Variants in RORA observed in about 807,000 individuals in gnomAD.
The protein encoded by RORA is nuclear receptor ROR-alpha.
In RORA, 7 loss-of-function variants were observed where a neutral mutation model predicts 69.5. That is an observed-to-expected ratio of 0.10 (90% confidence interval 0.06 to 0.19). The LOEUF is 0.19. Among genes scored for constraint, RORA ranks in the 10% least tolerant of loss-of-function variants. The pLI is 1.00. For synonymous variants in RORA, 261 were observed against 240.8 expected (o/e 1.08, Z -0.78); for missense variants, 457 against 663.0 (o/e 0.69, Z 3.41).
chr15:60,639,807 G>A (rs554981907), intron 2 of RORA, among the ~76,000 whole-genome samples: 12 of 152,330 alleles, frequency 7.9e-5, no homozygotes, highest in African/African-American at 2.4e-4. Flanking sequence ...AGTAATGAGA[G>A]AAAGGCGTCC....
intron 2 of RORA, chr15:60,592,733 AC>A: frequency 9.2e-7 from 1 of 1,090,786 alleles, no homozygotes; most frequent in Non-Finnish European, 1.1e-6. Context: ...CTGCTGGCCC[AC>A]CCCGGCCGGG....
intron 1 of RORA, among the ~76,000 whole-genome samples, chr15:61,055,803 G>A (rs2140519956): frequency 6.6e-6 from 1 of 152,334 alleles, no homozygotes; most frequent in East Asian, 1.9e-4. Context: ...TAGGATTTGA[G>A]ACACGTTTTC....
chr15:60,507,747 A>T (rs776235241), intron 5 of RORA, among the ~76,000 whole-genome samples: 1 of 152,168 alleles, frequency 6.6e-6, no homozygotes, highest in Non-Finnish European at 1.5e-5. Flanking sequence ...TTTTGCCGAT[A>T]AAAAAATGAT....
chr15:61,222,338 T>A (rs2080105635), intron 1 of RORA, among the ~76,000 whole-genome samples: 1 of 152,222 alleles, frequency 6.6e-6, no homozygotes, highest in Non-Finnish European at 1.5e-5. Flanking sequence ...AATAATGACG[T>A]GTCAGTTAAG....
rs145653192 is a variant in RORA at position 60,846,196 on chromosome 15, A to G, written c.167-167510T>C. Among the ~76,000 whole-genome samples, 30 of 152,382 alleles carry G rather than the reference A, an allele frequency of 2.0e-4. 1 individual carries two copies. The East Asian group carries it at 5.8e-3, about 29-fold the overall frequency. On this transcript the variant is annotated intron_variant, in intron 1 of 10. Transcript: ENST00000335670. ...GCTATACAATGATTAAACCAAAGAT[A>G]GCAGCAATCGTAAGTGGCTGTCAGG... is the stretch of plus-strand genomic sequence containing the variant.
intron 1 of RORA, among the ~76,000 whole-genome samples, chr15:60,756,292 T>C (rs1197623527): frequency 6.6e-6 from 1 of 152,258 alleles, no homozygotes; most frequent in Non-Finnish European, 1.5e-5. Context: ...TTACCAGTTA[T>C]TGTGGCAACT....
intron 1 of RORA, among the ~76,000 whole-genome samples, chr15:60,683,882 G>A (rs1044967075): frequency 1.3e-5 from 2 of 152,154 alleles, no homozygotes; most frequent in Admixed American, 6.5e-5. Context: ...GTAAAGCAAA[G>A]GAAATGTCAT....
intron 1 of RORA, among the ~76,000 whole-genome samples, chr15:60,983,422 G>C (rs890981358): frequency 9.2e-5 from 14 of 152,154 alleles, no homozygotes; most frequent in African/African-American, 3.4e-4. Context: ...GCTGTCTCTG[G>C]TGGGGAAAAT....
rs986236248 is a variant in RORA, at chr15:60,854,460, T to A, written c.167-175774A>T. Among the ~76,000 whole-genome samples, 30 of 152,122 alleles carry A rather than the reference T, an allele frequency of 2.0e-4. 1 individual carries two copies. The highest frequency in any genetic ancestry group is 4.4e-5 in the Non-Finnish European group (3 of 68,024). The stretch of plus-strand genomic sequence containing the variant: ...ATTTAGGCCATCCAGGGAGAAAAAT[T>A]TTTGCTGTTGATGATAAACAGAATC... On this transcript the variant is annotated intron_variant, in intron 1 of 10. Transcript: ENST00000335670.
At chr15:60,508,506 T>G (rs1233897035) in intron 5 of RORA, among the ~76,000 whole-genome samples, 2 of 152,202 alleles carry the variant, frequency 1.3e-5, no homozygotes, top group East Asian at 3.8e-4. Flanking sequence ...CTATCCTGAA[T>G]ATGTATGTTT....
chr15:60,533,797 G>C (rs1288040363), intron 2 of RORA, among the ~76,000 whole-genome samples: 1 of 152,180 alleles, frequency 6.6e-6, no homozygotes, highest in African/African-American at 2.4e-5. Context: ...CTGTTAAACA[G>C]AATTTATACA....
intron 1 of RORA, among the ~76,000 whole-genome samples, chr15:60,892,906 C>T (rs1457858282): frequency 6.6e-6 from 1 of 152,160 alleles, no homozygotes. Flanking sequence ...AACATTGTAT[C>T]GGATTCTATA....
chr15:60,704,650 A>G (rs1248950955), intron 1 of RORA, among the ~76,000 whole-genome samples: 1 of 152,260 alleles, frequency 6.6e-6, no homozygotes, highest in Non-Finnish European at 1.5e-5. Context: ...CAGGAATGCC[A>G]TAGAAAGAAC....
intron 1 of RORA, among the ~76,000 whole-genome samples, chr15:61,155,918 C>A (rs147818812): frequency 6.6e-6 from 1 of 152,134 alleles, no homozygotes; most frequent in Non-Finnish European, 1.5e-5. Flanking sequence ...AATGCACACA[C>A]GGGCACTCTG....
chr15:61,193,769 G>A (rs542911320), intron 1 of RORA, among the ~76,000 whole-genome samples: 1 of 152,236 alleles, frequency 6.6e-6, no homozygotes, highest in East Asian at 1.9e-4. Flanking sequence ...ACCCAGAGAG[G>A]CTCAATCATT....
Position 60,909,923 on chromosome 15 carries a change from TTA to T in RORA, c.167-231239_167-231238del, listed in dbSNP as rs536038542. 3.2e-4 allele frequency among the ~76,000 whole-genome samples: 48 copies of T among 152,332 alleles called. 1 individual carries two copies. The South Asian group carries it at 4.4e-3, about 14-fold the overall frequency. On this transcript the variant is annotated intron_variant, in intron 1 of 10. Coordinates refer to ENST00000335670, the MANE Select transcript of RORA (RefSeq NM_134261.3). ...TTGCCTCTTAAAAGCAGCTAACCCT[TTA>T]CCACGGAGGTGATGCAGAAATCTAC...
At chr15:60,806,137 A>G (rs2072656828) in intron 1 of RORA, among the ~76,000 whole-genome samples, 2 of 152,324 alleles carry the variant, frequency 1.3e-5, no homozygotes, top group South Asian at 4.1e-4. Flanking sequence ...TAGAAAAGTC[A>G]GATCTGTCAG....
At position 61,131,056 on chromosome 15, in the gene RORA, C is replaced by T. The variant is rs2079186292; in HGVS notation, c.166+97997G>A. Among the ~76,000 whole-genome samples the T allele has an allele frequency of 6.6e-6, 1 of 152,134 alleles. No individual in the cohort carries two copies. Among genetic ancestry groups the T allele is most frequent in the Non-Finnish European group, 1.5e-5 (1 of 68,034 alleles). On this transcript the variant is annotated intron_variant, in intron 1 of 10. Transcript: ENST00000335670. The surrounding 1 kb of genome is among the most constrained non-coding windows in gnomAD (Gnocchi z 4.2). ...GTACACGTGTACAGTTCAGACGATG[C>T]ACCTACTACTCAGCCCTCTGTAATA...
At chr15:60,937,854 G>A (rs968536685) in intron 1 of RORA, among the ~76,000 whole-genome samples, 22 of 152,176 alleles carry the variant, frequency 1.4e-4, no homozygotes, top group Non-Finnish European at 1.2e-4. Context: ...CTCGCAGTTA[G>A]GACCAATGAA....
Sources: allele counts gnomAD v4.1 joint callset (sites outside exome capture counted in the v4.1 genomes callset), GRCh38; gene constraint gnomAD v4.1.1; non-coding constraint Gnocchi (gnomAD v3.1); transcripts MANE v1.5; gene names NCBI Gene and HGNC (gene_info 2026-07-23, HGNC 2026-07-21).